Variants in ROBO2 observed in about 807,000 individuals in gnomAD.
ROBO2 encodes roundabout homolog 2.
In ROBO2, 53 loss-of-function variants were observed where a neutral mutation model predicts 160.8. The ratio of observed to expected loss-of-function variants is 0.33; its 90% CI spans 0.26 to 0.41. ROBO2 has a LOEUF of 0.41. Ranked by LOEUF, ROBO2 falls within the 10% of genes least tolerant of loss-of-function variation. ROBO2 has a pLI of 1.00. For synonymous variants in ROBO2, 664 were observed against 611.7 expected, an observed-to-expected ratio of 1.09 and a Z score of -1.26; for missense variants, 1,577 against 1,722.4, an observed-to-expected ratio of 0.92 and a Z score of 1.49.
chr3:76,860,734 A>G (rs2070684783), intron 2 of ROBO2, among the ~76,000 whole-genome samples: 2 of 151,800 alleles, frequency 1.3e-5, no homozygotes, highest in Admixed American at 1.3e-4. Context: ...TACTATATAT[A>G]ATCATACTTA....
chr3:77,335,199 G>A (rs940423466), intron 2 of ROBO2, among the ~76,000 whole-genome samples: 2 of 152,116 alleles, frequency 1.3e-5, no homozygotes, highest in Non-Finnish European at 2.9e-5. Context: ...TTGAGGACAG[G>A]AGTCCGAGAC....
intron 2 of ROBO2, among the ~76,000 whole-genome samples, chr3:77,019,153 A>G (rs1481101319): frequency 2.0e-5 from 3 of 152,196 alleles, no homozygotes; most frequent in Non-Finnish European, 4.4e-5. Context: ...ACAAAATACC[A>G]TAAACTGGGT....
intron 2 of ROBO2, among the ~76,000 whole-genome samples, chr3:76,110,926 T>C (rs1320268990): frequency 6.6e-6 from 1 of 152,162 alleles, no homozygotes; most frequent in African/African-American, 2.4e-5. Flanking sequence ...TCAATCTTAA[T>C]CTAGTTCCTC....
chr3:76,410,321 A>G (rs2075423422), intron 2 of ROBO2, among the ~76,000 whole-genome samples: 1 of 152,114 alleles, frequency 6.6e-6, no homozygotes, highest in African/African-American at 2.4e-5. Flanking sequence ...AGCAGGACGG[A>G]CGGTGTATAT....
At chr3:76,148,609 A>G (rs986960489) in intron 2 of ROBO2, among the ~76,000 whole-genome samples, 2 of 152,072 alleles carry the variant, frequency 1.3e-5, no homozygotes, top group Non-Finnish European at 2.9e-5. Flanking sequence ...CTCTTCAGTC[A>G]TTAAGAACCT....
At chr3:76,739,163 A>G (rs1272634679) in intron 2 of ROBO2, among the ~76,000 whole-genome samples, 2 of 152,188 alleles carry the variant, frequency 1.3e-5, no homozygotes, top group East Asian at 1.9e-4. Flanking sequence ...TCATGCTGCT[A>G]TAAAGACACA....
chr3:76,985,128 A>G (rs1382977042), intron 2 of ROBO2, among the ~76,000 whole-genome samples: 1 of 152,146 alleles, frequency 6.6e-6, no homozygotes, highest in East Asian at 1.9e-4. Flanking sequence ...GACCTCTTGC[A>G]TAGTCTAGTA....
intron 1 of ROBO2, among the ~76,000 whole-genome samples, chr3:75,930,992 A>G (rs191233141): frequency 2.0e-4 from 31 of 151,844 alleles, no homozygotes; most frequent in Non-Finnish European, 3.4e-4. Flanking sequence ...TCAGTTTCCA[A>G]CTCTCCCGCT....
chr3:76,481,137 T>C (rs953602713), intron 2 of ROBO2, among the ~76,000 whole-genome samples: 3 of 152,110 alleles, frequency 2.0e-5, no homozygotes, highest in Non-Finnish European at 4.4e-5. Context: ...CTTTGTGATG[T>C]CGCGGTTTTT....
chr3:76,533,195 G>A (rs2082318550), intron 2 of ROBO2, among the ~76,000 whole-genome samples: 1 of 152,162 alleles, frequency 6.6e-6, no homozygotes, highest in African/African-American at 2.4e-5. Flanking sequence ...CAAAATTTAG[G>A]CATGGGTCTA....
intron 1 of ROBO2, among the ~76,000 whole-genome samples, chr3:77,086,503 A>G (rs556036326): frequency 6.1e-4 from 93 of 152,160 alleles, no homozygotes; most frequent in Non-Finnish European, 1.2e-3. Context: ...TCATTTCTTA[A>G]AAACGAACAT....
chr3:76,787,558 G>T (rs1439860587), intron 2 of ROBO2, among the ~76,000 whole-genome samples: 1 of 151,268 alleles, frequency 6.6e-6, no homozygotes, highest in African/African-American at 2.4e-5. Flanking sequence ...GTGACTTTCT[G>T]CAATATAATT....
chr3:76,512,444 G>A (rs902666398), intron 2 of ROBO2, among the ~76,000 whole-genome samples: 6 of 151,990 alleles, frequency 3.9e-5, no homozygotes, highest in South Asian at 2.1e-4. Flanking sequence ...GTATTCTGGC[G>A]ATGCTACTGT....
intron 2 of ROBO2, among the ~76,000 whole-genome samples, chr3:77,349,498 G>A (rs976961698): frequency 1.3e-5 from 2 of 152,120 alleles, no homozygotes; most frequent in African/African-American, 2.4e-5. Flanking sequence ...TGAAATCGAC[G>A]TGTAATGAGT....
At chr3:77,615,076 C>G (rs914130626) in intron 21 of ROBO2, among the ~76,000 whole-genome samples, 12 of 152,150 alleles carry the variant, frequency 7.9e-5, no homozygotes, top group African/African-American at 2.7e-4. Context: ...TCTTGCATCA[C>G]TGATTATTTG....
chr3:75,994,750 A>T (rs968479701), intron 2 of ROBO2, among the ~76,000 whole-genome samples: 1 of 152,230 alleles, frequency 6.6e-6, no homozygotes, highest in Non-Finnish European at 1.5e-5. Context: ...GAACTGAGTA[A>T]TAGGCAGAAG....
chr3:77,217,151 T>C (rs775790944), intron 2 of ROBO2, among the ~76,000 whole-genome samples: 2 of 151,980 alleles, frequency 1.3e-5, no homozygotes, highest in Non-Finnish European at 2.9e-5. Context: ...CTTTCCTTTT[T>C]TTCTTTTCTT....
At position 76,852,795 on chromosome 3, in the gene ROBO2, T is replaced by A. The variant is rs1359549596; in HGVS notation, c.110-245219T>A. 2.0e-5 allele frequency among the ~76,000 whole-genome samples: 3 copies of A among 152,304 alleles called. No homozygotes were observed. The South Asian group carries it at 6.2e-4, about 32-fold the overall frequency. On this transcript the variant is annotated intron_variant, in intron 2 of 26. Coordinates refer to the ROBO2 transcript ENST00000487694. ...CATTGGTAGATGCATCTTTCATGCA[T>A]TCTGCCTATTTGCTTGGCAGTTGGT...
chr3:76,365,831 A>G (rs1421001596), intron 2 of ROBO2, among the ~76,000 whole-genome samples: 1 of 151,880 alleles, frequency 6.6e-6, no homozygotes, highest in African/African-American at 2.4e-5. Context: ...CGACCAACAT[A>G]AATCCACATT....
Sources: gnomAD v4.1 joint callset for allele counts (sites outside exome capture counted in the v4.1 genomes callset) on GRCh38, gnomAD v4.1.1 for gene constraint, MANE v1.5 for transcripts, NCBI Gene and HGNC (gene_info 2026-07-23, HGNC 2026-07-21) for gene names.